The following GRM7 variants were observed in gnomAD, a reference collection of about 807,000 sequenced individuals.
GRM7 encodes the protein metabotropic glutamate receptor 7.
In GRM7, 35 loss-of-function variants were observed where a neutral mutation model predicts 84.5. The ratio of observed to expected loss-of-function variants is 0.41; its 90% CI spans 0.32 to 0.55. GRM7 has a LOEUF of 0.55. GRM7 is among the 20% of genes least tolerant of loss of function. GRM7 has a pLI of 0.19. For synonymous variants in GRM7, 487 were observed against 455.1 expected, an observed-to-expected ratio of 1.07 and a Z score of -0.89; for missense variants, 1,003 against 1,194.6, an observed-to-expected ratio of 0.84 and a Z score of 2.36.
At chr3:7,414,176 T>C (rs886787164) in intron 4 of GRM7, among the ~76,000 whole-genome samples, 3 of 152,204 alleles carry the variant, frequency 2.0e-5, no homozygotes, top group African/African-American at 4.8e-5. Context: ...CTTTGAATAA[T>C]TTAAGTATTT....
chr3:7,619,531 C>T (rs1320371594), intron 8 of GRM7, among the ~76,000 whole-genome samples: 2 of 151,860 alleles, frequency 1.3e-5, no homozygotes, highest in East Asian at 1.9e-4. Flanking sequence ...GTTGATTTTT[C>T]GAACAAAATG....
intron 2 of GRM7, among the ~76,000 whole-genome samples, chr3:7,281,095 C>A (rs1699238041): frequency 6.6e-6 from 1 of 152,130 alleles, no homozygotes; most frequent in Admixed American, 6.5e-5. Context: ...CTTTCTCCTT[C>A]TCCAAGCAGG....
chr3:7,053,240 A>C (rs1452355315), intron 1 of GRM7, among the ~76,000 whole-genome samples: 2 of 149,474 alleles, frequency 1.3e-5, no homozygotes, highest in Non-Finnish European at 3.0e-5. Flanking sequence ...TTTTTACTTT[A>C]GTTATCTTAT....
At chr3:6,935,539 AC>A (rs1406501840) in intron 1 of GRM7, among the ~76,000 whole-genome samples, 1 of 151,828 alleles carries the variant, frequency 6.6e-6, no homozygotes, top group Non-Finnish European at 1.5e-5. Context: ...CACCCTTTTT[AC>A]CTGCTCTGTG....
At chr3:7,055,838 AAT>A (rs1398867602) in intron 1 of GRM7, among the ~76,000 whole-genome samples, 1 of 151,938 alleles carries the variant, frequency 6.6e-6, no homozygotes, top group Non-Finnish European at 1.5e-5. Context: ...AAATATTTTA[AAT>A]ATATACTGAA....
At chr3:7,658,199 G>A (rs566182413) in intron 8 of GRM7, among the ~76,000 whole-genome samples, 1 of 152,164 alleles carries the variant, frequency 6.6e-6, no homozygotes, top group Non-Finnish European at 1.5e-5. Context: ...ATCAAGTCTT[G>A]ATGGATATCA....
intron 4 of GRM7, among the ~76,000 whole-genome samples, chr3:7,408,312 C>A (rs1377606055): frequency 6.6e-6 from 1 of 152,082 alleles, no homozygotes; most frequent in South Asian, 2.1e-4. Context: ...ATGCAACAGC[C>A]CTTTGGAGAC....
chr3:6,974,413 G>A (rs1693905262), intron 1 of GRM7, among the ~76,000 whole-genome samples: 2 of 152,170 alleles, frequency 1.3e-5, no homozygotes, highest in Non-Finnish European at 2.9e-5. Flanking sequence ...AACATTTATT[G>A]CCAAGAGAAT....
intron 1 of GRM7, among the ~76,000 whole-genome samples, chr3:7,056,485 A>G (rs1331380250): frequency 6.6e-6 from 1 of 151,968 alleles, no homozygotes; most frequent in East Asian, 1.9e-4. Context: ...TACCTGTCAT[A>G]AGTGACTCCA....
In GRM7 at chr3:7,163,339, T is replaced by G. The variant is rs922029338; in HGVS notation, c.736+16671T>G. On this transcript the variant is annotated intron_variant, in intron 2 of 9. Coordinates refer to ENST00000357716, the MANE Select transcript of GRM7 (RefSeq NM_000844.4). ...TGAATTCTGAGGAGTGCTAGCTTCC[T>G]GATACCAATTCAATGGAAAAGGGAA... is the stretch of plus-strand genomic sequence containing the variant. 2.6e-5 allele frequency among the ~76,000 whole-genome samples: 4 copies of G among 152,226 alleles called. No homozygotes were observed. In the South Asian group the frequency reaches 8.3e-4, roughly 32 times the overall value.
At chr3:7,069,991 G>A (rs1227744436) in intron 1 of GRM7, among the ~76,000 whole-genome samples, 2 of 151,962 alleles carry the variant, frequency 1.3e-5, no homozygotes, top group African/African-American at 4.8e-5. Flanking sequence ...ATTTTCCTTT[G>A]AGAAAATAAA....
intron 2 of GRM7, among the ~76,000 whole-genome samples, chr3:7,208,604 T>G (rs1305685095): frequency 6.6e-6 from 1 of 152,142 alleles, no homozygotes; most frequent in African/African-American, 2.4e-5. Context: ...CAGCACCAAG[T>G]ATAATAAACA....
intron 1 of GRM7, among the ~76,000 whole-genome samples, chr3:7,070,986 T>G (rs1164968269): frequency 6.6e-6 from 1 of 152,130 alleles, no homozygotes. Context: ...AAGAGCACAC[T>G]GGGGTTTTTC....
intron 1 of GRM7, among the ~76,000 whole-genome samples, chr3:7,081,516 A>C (rs1365831855): frequency 6.6e-6 from 1 of 151,942 alleles, no homozygotes; most frequent in East Asian, 1.9e-4. Flanking sequence ...ATTTTCTGAG[A>C]CAGCAATAAT....
At chr3:7,366,321 C>T (rs1387778235) in intron 4 of GRM7, among the ~76,000 whole-genome samples, 1 of 151,798 alleles carries the variant, frequency 6.6e-6, no homozygotes, top group African/African-American at 2.4e-5. Flanking sequence ...CATTTACTCT[C>T]TCAAGATTAT....
rs113002055 is a variant in GRM7, at chr3:7,505,688, C to G, written c.1515+43966C>G. The stretch of plus-strand genomic sequence containing the variant: ...TCTATAGTTTATACCTTCTGAAGCA[C>G]TGGGACCATTTGAGCCATAGCTGGA... On this transcript the variant is annotated intron_variant, in intron 7 of 9. Coordinates refer to ENST00000357716, the MANE Select transcript of GRM7 (RefSeq NM_000844.4). 3.9e-3 allele frequency among the ~76,000 whole-genome samples: 590 copies of G among 152,306 alleles called. 4 individuals carry two copies. Among genetic ancestry groups the G allele is most frequent in the African/African-American group, 0.013 (552 of 41,574 alleles).
chr3:7,593,097 A>C (rs925696172), intron 8 of GRM7, among the ~76,000 whole-genome samples: 1 of 152,214 alleles, frequency 6.6e-6, no homozygotes. Context: ...CCTTCTATAC[A>C]GCACTGACTC....
chr3:7,175,882 A>C (rs1695129679), intron 2 of GRM7, among the ~76,000 whole-genome samples: 2 of 152,154 alleles, frequency 1.3e-5, no homozygotes, highest in Non-Finnish European at 2.9e-5. Flanking sequence ...AGTAAAACAA[A>C]AATTCTGCTA....
rs369310066 is a variant in GRM7 at position 7,481,227 on chromosome 3, C to T, written c.1515+19505C>T. Reference sequence around the variant, plus strand: ...TCAAGTAGCTGGGACTACAGGCATGCGCCACCATGCTTGATTTTTTTAAAT... The same window carrying T: ...TCAAGTAGCTGGGACTACAGGCATGTGCCACCATGCTTGATTTTTTTAAAT... On this transcript the variant is annotated intron_variant, in intron 7 of 9. Transcript: ENST00000357716. Among the ~76,000 whole-genome samples, 533 of 152,084 alleles carry T rather than the reference C, an allele frequency of 3.5e-3. 2 individuals carry two copies. The highest frequency in any genetic ancestry group is 0.012 in the African/African-American group (513 of 41,494).
Sources: allele counts gnomAD v4.1 joint callset (sites outside exome capture counted in the v4.1 genomes callset), GRCh38; gene constraint gnomAD v4.1.1; transcripts MANE v1.5; gene names NCBI Gene and HGNC (gene_info 2026-07-23, HGNC 2026-07-21).